Variants in SCARA3 observed in about 807,000 individuals in gnomAD.
SCARA3 encodes scavenger receptor class A member 3.
Under a neutral mutation model 47.0 loss-of-function variants are expected in SCARA3, and 39 were observed. The observed-to-expected ratio is 0.83, with a 90% confidence interval of 0.64 to 1.08. SCARA3 has a LOEUF of 1.08. SCARA3 is among the 50% of genes least tolerant of loss of function. The probability of loss-of-function intolerance (pLI) is 0.00; values close to 1 mark genes in which losing one functional copy is unlikely to be tolerated. For synonymous variants in SCARA3, 356 were observed against 334.1 expected, an observed-to-expected ratio of 1.07 and a Z score of -0.71; for missense variants, 724 against 792.3, an observed-to-expected ratio of 0.91 and a Z score of 1.04.
chr8:27,639,974 G>A (rs891483364), intron 1 of SCARA3, among the ~76,000 whole-genome samples: 2 of 152,068 alleles, frequency 1.3e-5, no homozygotes, highest in African/African-American at 2.4e-5. Flanking sequence ...TCCTTAGAGT[G>A]GGAGGCAGGG....
At chr8:27,708,207 A>C in the SCARA3 span, among the ~76,000 whole-genome samples, 2 of 152,202 alleles carry the variant, frequency 1.3e-5, no homozygotes, top group African/African-American at 4.8e-5. Context: ...CTTTAGGAAA[A>C]ACATAGGTTG....
At chr8:27,670,827 C>G in intron 5 of SCARA3, 73 bp from the exon 6 acceptor site, 2 of 1,317,010 alleles carry the variant, frequency 1.5e-6, no homozygotes, top group Non-Finnish European at 2.1e-6. Context: ...GCCGTGCCCG[C>G]TCTGCTCATG....
rs371434171 is a variant in SCARA3 at position 27,671,128 on chromosome 8, C to T, written c.1598C>T (p.Pro533Leu). The T allele has an allele frequency of 7.2e-5, 114 of 1,580,006 alleles. 3 individuals are homozygous for T. In the South Asian group the frequency reaches 1.0e-3, roughly 14 times the overall value. Residue 533 changes from proline to leucine, a missense_variant, in exon 6 of 6, where the codon CCG becomes CTG. Coordinates refer to ENST00000301904, the MANE Select transcript of SCARA3 (RefSeq NM_016240.3). ...AAGGGCAGCTTTGGAACTGGAGGGC[C>T]GAGAGGACAGCCAGGCCCAAAAGGG... is the stretch of plus-strand genomic sequence containing the variant. ...GSKGSFGTGG[P>L]RGQPGPKGDI...
chr8:27,654,096 A>T (rs1481214715), intron 3 of SCARA3, among the ~76,000 whole-genome samples: 8 of 152,238 alleles, frequency 5.3e-5, no homozygotes, highest in Non-Finnish European at 1.2e-4. Context: ...TCAGTAAAAA[A>T]TTCATTTAAA....
chr8:27,677,412 G>C (rs1456563875), downstream of SCARA3, among the ~76,000 whole-genome samples: 1 of 152,218 alleles, frequency 6.6e-6, no homozygotes, highest in Admixed American at 6.5e-5. Context: ...TGACTGATCA[G>C]CTCGAATCTA....
At chr8:27,714,007 ACT>A in the SCARA3 span, among the ~76,000 whole-genome samples, 5 of 149,782 alleles carry the variant, frequency 3.3e-5, no homozygotes, top group African/African-American at 1.2e-4. Flanking sequence ...TCCCCTCTTC[ACT>A]CTCTCTTGCT....
Position 27,660,844 on chromosome 8 carries a change from A to T in SCARA3, c.1369+1305A>T, listed in dbSNP as rs199996666. Among the ~76,000 whole-genome samples the T allele has an allele frequency of 7.2e-3, 193 of 26,814 alleles. 1 individual carries two copies. Among genetic ancestry groups the T allele is most frequent in the Non-Finnish European group, 0.03 (131 of 4,436 alleles). The allele number at this position is 26,814 out of a possible 152,430, so 17.6% of individuals were successfully genotyped here. ...ATAGATAGAAGATAGCTAGCTAGCT[A>T]GATAGATAGATAGATAGATAGATAG... On this transcript the variant is annotated intron_variant, in intron 5 of 5. Transcript: ENST00000301904.
chr8:27,729,763 C>T, the SCARA3 span, among the ~76,000 whole-genome samples: 2 of 151,874 alleles, frequency 1.3e-5, no homozygotes, highest in South Asian at 4.2e-4. Context: ...TGCTCTCCAG[C>T]CCATGACAGA....
the SCARA3 span, chr8:27,733,333 G>A: frequency 6.6e-6 from 1 of 152,196 alleles, no homozygotes; most frequent in Non-Finnish European, 1.5e-5. Flanking sequence ...CAAACTATAA[G>A]CTTTTATTAT....
chr8:27,653,570 C>CGTGTGTGTGTGT (rs61545866), intron 3 of SCARA3, among the ~76,000 whole-genome samples: 7,346 of 145,074 alleles, frequency 0.051, 237 homozygotes, highest in Middle Eastern at 0.071. Flanking sequence ...ATTTGTAAAG[C>CGTGTGTGTGTGT]GTGTGTGTGT....
chr8:27,699,479 A>T, the SCARA3 span, among the ~76,000 whole-genome samples: 3 of 152,082 alleles, frequency 2.0e-5, no homozygotes, highest in Admixed American at 2.0e-4. Flanking sequence ...TGTTGGGATT[A>T]CAGGCGTAAG....
At chr8:27,704,669 G>A in the SCARA3 span, among the ~76,000 whole-genome samples, 5 of 152,144 alleles carry the variant, frequency 3.3e-5, no homozygotes, top group African/African-American at 1.2e-4. Context: ...TTCCAGCTGT[G>A]TAGACAGTTA....
chr8:27,718,713 C>A, the SCARA3 span, among the ~76,000 whole-genome samples: 25 of 152,340 alleles, frequency 1.6e-4, no homozygotes, highest in African/African-American at 6.0e-4. Flanking sequence ...GGGGTGAATG[C>A]TCTATGTATT....
At chr8:27,656,911 G>A (rs750169341) in intron 4 of SCARA3, 31 bp downstream of exon 4, 5 of 1,414,948 alleles carry the variant, frequency 3.5e-6, no homozygotes, top group Non-Finnish European at 5.0e-6. Context: ...CTGTGATGCA[G>A]TGATCTTCAG....
the SCARA3 span, among the ~76,000 whole-genome samples, chr8:27,705,479 C>T: frequency 6.6e-6 from 1 of 152,242 alleles, no homozygotes; most frequent in Admixed American, 6.5e-5. Flanking sequence ...TGAGGTGCCC[C>T]ATCACCCGAC....
At chr8:27,715,135 A>G in the SCARA3 span, among the ~76,000 whole-genome samples, 4 of 152,192 alleles carry the variant, frequency 2.6e-5, no homozygotes, top group East Asian at 7.7e-4. This position sits in a 1 kb window ranked among gnomAD's most constrained non-coding sequence, Gnocchi z 4.2. Context: ...TATGGTGTTC[A>G]GGCTGATGTC....
At chr8:27,635,656 A>G (rs1385988193) in intron 1 of SCARA3, among the ~76,000 whole-genome samples, 8 of 149,920 alleles carry the variant, frequency 5.3e-5, no homozygotes, top group Admixed American at 4.0e-4. Context: ...GGGCCTTATT[A>G]TATTGCCCAG....
chr8:27,699,483 G>A, the SCARA3 span, among the ~76,000 whole-genome samples: 18 of 152,166 alleles, frequency 1.2e-4, no homozygotes, highest in Admixed American at 2.0e-4. Flanking sequence ...GGGATTACAG[G>A]CGTAAGCCAC....
Position 27,638,027 on chromosome 8 carries a change from C to T in SCARA3, c.7+3820C>T, listed in dbSNP as rs373313399. On this transcript the variant is annotated intron_variant, in intron 1 of 5. Transcript: ENST00000301904. ...GCCCAGCGGCTCAGATGTTGGAGTT[C>T]GGCTCCAAATCCTCAAACATCGGCC... Among the ~76,000 whole-genome samples the T allele has an allele frequency of 7.9e-5, 12 of 152,172 alleles. No individual in the cohort carries two copies. The East Asian group carries it at 1.6e-3, about 20-fold the overall frequency.
Sources: allele counts gnomAD v4.1 joint callset (sites outside exome capture counted in the v4.1 genomes callset), GRCh38; gene constraint gnomAD v4.1.1; non-coding constraint Gnocchi (gnomAD v3.1); transcripts MANE v1.5; gene names NCBI Gene and HGNC (gene_info 2026-07-23, HGNC 2026-07-21).